Variants in MGAT4C observed in about 807,000 individuals in gnomAD.
MGAT4C encodes MGAT4 family member C, also known as alpha-1,3-mannosyl-glycoprotein 4-beta-N-acetylglucosaminyltransferase C.
Under a neutral mutation model 40.1 loss-of-function variants are expected in MGAT4C, and 19 were observed. The ratio of observed to expected loss-of-function variants is 0.47; its 90% CI spans 0.33 to 0.70. The LOEUF (loss-of-function observed/expected upper bound fraction) is 0.70. Among genes scored for constraint, MGAT4C ranks in the 30% least tolerant of loss-of-function variants. The pLI, the probability that MGAT4C is intolerant of heterozygous loss-of-function variation, is 0.02. For synonymous variants in MGAT4C, 181 were observed against 187.1 expected (o/e 0.97, Z 0.27); for missense variants, 491 against 563.2 (o/e 0.87, Z 1.30).
chr12:86,608,161 A>G (rs1307724879), intron 2 of MGAT4C, among the ~76,000 whole-genome samples: 2 of 152,182 alleles, frequency 1.3e-5, no homozygotes, highest in Non-Finnish European at 2.9e-5. Flanking sequence ...TCTGATAAGA[A>G]AGACAAATAT....
At chr12:86,542,085 A>G (rs1592968573) in intron 2 of MGAT4C, among the ~76,000 whole-genome samples, 2 of 152,204 alleles carry the variant, frequency 1.3e-5, no homozygotes, top group East Asian at 3.8e-4. Flanking sequence ...CCGAGTGAGA[A>G]GCACCAGTAA....
In MGAT4C at chr12:86,525,732, G is replaced by T. The variant is rs140198504; in HGVS notation, c.-228-90467C>A. On this transcript the variant is annotated intron_variant, in intron 2 of 7. Coordinates refer to the MGAT4C transcript ENST00000548651. ...ACCAACACTCAGCTCCCAACTCCTG[G>T]ACTGTGTGCTCTAACTCTAGGGAGC... Among the ~76,000 whole-genome samples the T allele has an allele frequency of 2.4e-3, 372 of 152,286 alleles. 1 individual carries two copies. The highest frequency in any genetic ancestry group is 8.8e-3 in the African/African-American group (366 of 41,566).
chr12:86,035,242 T>C (rs1891118329), intron 2 of MGAT4C, among the ~76,000 whole-genome samples: 1 of 150,274 alleles, frequency 6.7e-6, no homozygotes, highest in South Asian at 2.1e-4. Context: ...TGTTGTTTCC[T>C]AACTTTTTAA....
At chr12:86,821,814 G>T (rs567442091) in intron 1 of MGAT4C, among the ~76,000 whole-genome samples, 2 of 150,974 alleles carry the variant, frequency 1.3e-5, no homozygotes, top group East Asian at 2.0e-4. Flanking sequence ...CCTGACAAAG[G>T]TTTAAAATTA....
chr12:86,201,336 C>A (rs1415195283), intron 1 of MGAT4C, among the ~76,000 whole-genome samples: 4 of 151,798 alleles, frequency 2.6e-5, no homozygotes. Context: ...TAAGTGTAGA[C>A]TTCCTACTCT....
intron 1 of MGAT4C, among the ~76,000 whole-genome samples, chr12:86,255,008 A>C (rs1952457903): frequency 6.6e-6 from 1 of 152,116 alleles, no homozygotes; most frequent in East Asian, 1.9e-4. Flanking sequence ...GAGAATCTCC[A>C]AATCCTGAGT....
intron 3 of MGAT4C, among the ~76,000 whole-genome samples, chr12:86,420,528 T>G (rs1271837197): frequency 6.6e-6 from 1 of 152,120 alleles, no homozygotes; most frequent in African/African-American, 2.4e-5. Flanking sequence ...TCTTAGCAGC[T>G]CATAATATGA....
At chr12:86,810,187 T>A (rs1365240802) in intron 1 of MGAT4C, among the ~76,000 whole-genome samples, 1 of 151,970 alleles carries the variant, frequency 6.6e-6, no homozygotes, top group African/African-American at 2.4e-5. Context: ...TGAAATGTGT[T>A]TTTTAAAATT....
chr12:86,440,261 T>A (rs2141925), intron 2 of MGAT4C, among the ~76,000 whole-genome samples: 125,797 of 152,060 alleles, frequency 0.83, 52,239 homozygotes, highest in East Asian at 0.95. Flanking sequence ...TCGACAGCAC[T>A]TCAAAATGAT....
chr12:86,368,529 C>T (rs1017064641), intron 3 of MGAT4C, among the ~76,000 whole-genome samples: 1 of 151,666 alleles, frequency 6.6e-6, no homozygotes, highest in Admixed American at 6.6e-5. Flanking sequence ...GTGATTATCA[C>T]TATAAACTTC....
chr12:86,547,934 G>A (rs765681742), intron 2 of MGAT4C, among the ~76,000 whole-genome samples: 1 of 152,078 alleles, frequency 6.6e-6, no homozygotes. Flanking sequence ...GCTTTTTCTT[G>A]TATTTCAGAT....
chr12:86,199,453 G>A (rs1949954768), intron 1 of MGAT4C, among the ~76,000 whole-genome samples: 1 of 151,924 alleles, frequency 6.6e-6, no homozygotes, highest in African/African-American at 2.4e-5. Context: ...ATTTTTTTAA[G>A]TTTTAAAAAA....
chr12:86,770,608 T>G (rs1565978714), intron 1 of MGAT4C, among the ~76,000 whole-genome samples: 1 of 152,074 alleles, frequency 6.6e-6, no homozygotes, highest in Non-Finnish European at 1.5e-5. Context: ...ATAGATAATG[T>G]AGTAATCATA....
intron 2 of MGAT4C, among the ~76,000 whole-genome samples, chr12:86,509,891 T>C (rs113845410): frequency 2.0e-5 from 3 of 152,190 alleles, no homozygotes; most frequent in Non-Finnish European, 4.4e-5. Flanking sequence ...AGAATGCTTG[T>C]GATTTTTGTA....
At chr12:86,664,901 T>C (rs979964754) in intron 2 of MGAT4C, among the ~76,000 whole-genome samples, 8 of 152,172 alleles carry the variant, frequency 5.3e-5, no homozygotes, top group African/African-American at 1.7e-4. Flanking sequence ...TCAACTATCA[T>C]AGGTCATCTA....
At chr12:86,738,167 C>G (rs993456401) in intron 1 of MGAT4C, among the ~76,000 whole-genome samples, 1 of 151,402 alleles carries the variant, frequency 6.6e-6, no homozygotes, top group Non-Finnish European at 1.5e-5. Flanking sequence ...TTTATAATTT[C>G]AAAACTGCAT....
At chr12:86,258,311 C>CTATG (rs1952582888), upstream of MGAT4C, among the ~76,000 whole-genome samples, 1 of 149,412 alleles carries the variant, frequency 6.7e-6, no homozygotes, top group Non-Finnish European at 1.5e-5. Flanking sequence ...ATCTATCTAT[C>CTATG]TATCTATCTA....
intron 1 of MGAT4C, among the ~76,000 whole-genome samples, chr12:86,824,853 C>G (rs1952776721): frequency 6.6e-6 from 1 of 150,736 alleles, no homozygotes; most frequent in Non-Finnish European, 1.5e-5. Flanking sequence ...AGAGCCTTTA[C>G]TGCTAGATTA....
intron 3 of MGAT4C, among the ~76,000 whole-genome samples, chr12:86,412,607 G>T (rs10160933): frequency 0.024 from 3,588 of 152,172 alleles, 80 homozygotes; most frequent in African/African-American, 0.049. Context: ...AAATTATTTT[G>T]ATTTTACAAG....
Sources: allele counts gnomAD v4.1 joint callset (sites outside exome capture counted in the v4.1 genomes callset), GRCh38; gene constraint gnomAD v4.1.1; transcripts MANE v1.5; gene names NCBI Gene and HGNC (gene_info 2026-07-23, HGNC 2026-07-21).